Variants in NPFFR1 observed in about 807,000 individuals in gnomAD.
NPFFR1 encodes the protein neuropeptide FF receptor 1, also known as G-protein coupled receptor 147.
A neutral mutation model predicts 12.7 loss-of-function variants in NPFFR1; 17 were observed. The observed-to-expected ratio is 1.34, with a 90% CI of 0.92 to 2.01. NPFFR1 has a LOEUF of 2.01. Ranked by LOEUF, NPFFR1 falls within the 30% of genes most tolerant of loss-of-function variation. The pLI, the probability that NPFFR1 is intolerant of heterozygous loss-of-function variation, is 0.00. For synonymous variants in NPFFR1, 296 were observed against 264.5 expected (o/e 1.12, Z -1.16); for missense variants, 604 against 606.5 (o/e 1.00, Z 0.04).
chr10:70,262,312 T>C (rs973913202), intron 2 of NPFFR1, among the ~76,000 whole-genome samples: 15 of 152,178 alleles, frequency 9.9e-5, no homozygotes, highest in Admixed American at 9.8e-4. Context: ...AAATGAATAA[T>C]ATTGTATTTA....
chr10:70,269,388 C>T (rs1198486473), intron 1 of NPFFR1, among the ~76,000 whole-genome samples: 2 of 152,146 alleles, frequency 1.3e-5, no homozygotes, highest in East Asian at 3.8e-4. Context: ...AACTCTTAAG[C>T]TCAAGCAATC....
At position 70,255,801 on chromosome 10, in the gene NPFFR1, C is replaced by T; in HGVS notation, c.449G>A (p.Arg150His). Residue 150 changes from arginine (R) to histidine (H), a missense_variant, in exon 4 of 4, where the codon CGC becomes CAC. Transcript: ENST00000277942. This position sits in a 1 kb window ranked among gnomAD's most constrained non-coding sequence, Gnocchi z 4.2. ...CGCCTTCCGCAGGGTCAGCTTCTCG[C>T]GGAAAGGGTGCACGATGCAGCGGAA... The part of the protein sequence containing the change: ...ERFRCIVHPF[R>H]EKLTLRKALV... The T allele has an allele frequency of 6.2e-7, 1 of 1,610,050 alleles. No homozygotes were observed. Among genetic ancestry groups the T allele is most frequent in the Non-Finnish European group, 8.5e-7 (1 of 1,178,366 alleles).
intron 1 of NPFFR1, among the ~76,000 whole-genome samples, chr10:70,282,071 A>G (rs1220704388): frequency 2.6e-5 from 4 of 152,132 alleles, no homozygotes; most frequent in Non-Finnish European, 4.4e-5. Context: ...CACTTCCTTC[A>G]TTCTCTGTAG....
chr10:70,269,965 C>G (rs756705453), intron 1 of NPFFR1, among the ~76,000 whole-genome samples: 3 of 152,188 alleles, frequency 2.0e-5, no homozygotes, highest in Non-Finnish European at 4.4e-5. Context: ...GGCCTTTGCT[C>G]GTCCCTTCCT....
chr10:70,275,022 C>T (rs1414521315), intron 1 of NPFFR1, among the ~76,000 whole-genome samples: 2 of 152,192 alleles, frequency 1.3e-5, no homozygotes, highest in African/African-American at 4.8e-5. Flanking sequence ...CCCTCCATCC[C>T]AGGCACCCAC....
intron 1 of NPFFR1, among the ~76,000 whole-genome samples, chr10:70,270,362 T>C (rs1840733560): frequency 1.3e-5 from 2 of 152,134 alleles, no homozygotes; most frequent in Admixed American, 1.3e-4. Context: ...GTTGGGAGAC[T>C]TGCTTACCCC....
At chr10:70,274,245 C>T (rs146673308) in intron 1 of NPFFR1, among the ~76,000 whole-genome samples, 1,598 of 151,662 alleles carry the variant, frequency 0.011, 24 homozygotes, top group African/African-American at 0.033. Context: ...GTCAGGAGTT[C>T]GAGACCAGCC....
At chr10:70,276,591 T>TC (rs1254204322) in intron 1 of NPFFR1, among the ~76,000 whole-genome samples, 1 of 147,802 alleles carries the variant, frequency 6.8e-6, no homozygotes, top group East Asian at 2.0e-4. Context: ...TATCTTTTTT[T>TC]TTTTTTTTTT....
At chr10:70,277,967 G>T (rs772423752) in intron 1 of NPFFR1, 2 of 519,836 alleles carry the variant, frequency 3.8e-6, no homozygotes, top group Non-Finnish European at 7.7e-6. Context: ...AACCCTCCAG[G>T]CCATTGTTTT....
intron 1 of NPFFR1, among the ~76,000 whole-genome samples, chr10:70,273,961 C>A (rs531958968): frequency 6.6e-6 from 1 of 152,110 alleles, no homozygotes; most frequent in African/African-American, 2.4e-5. Context: ...CACCATAGAC[C>A]CCCAAGTTTC....
At chr10:70,260,010 G>A (rs1840616380) in intron 3 of NPFFR1, among the ~76,000 whole-genome samples, 2 of 152,238 alleles carry the variant, frequency 1.3e-5, no homozygotes, top group Non-Finnish European at 2.9e-5. Flanking sequence ...CTGTGGGGGA[G>A]GAGCACTCAT....
In NPFFR1 at chr10:70,260,591, T is replaced by C. The variant is rs181567467; in HGVS notation, c.422+49A>G. ...CATTAGAGGCAGTGGCTCCTCTTAATGCCAGGCCCTAGTTGGCTCAGGCAT... is the reference window on the plus strand; with the variant it reads ...CATTAGAGGCAGTGGCTCCTCTTAACGCCAGGCCCTAGTTGGCTCAGGCAT... On this transcript the variant is annotated intron_variant, in intron 3 of 3. Transcript: ENST00000277942. 2.7e-3 allele frequency: 4,031 copies of C among 1,503,384 alleles called. 119 individuals carry two copies. The highest frequency in any genetic ancestry group is 8.7e-3 in the African/African-American group (634 of 72,538). The allele number at this position is 1,503,384 out of a possible 1,614,324, so 93.1% of individuals were successfully genotyped here.
Position 70,254,124 on chromosome 10 carries a change from C to A in NPFFR1, c.*833G>T, listed in dbSNP as rs41348750. On this transcript the variant is annotated 3_prime_UTR_variant, in exon 4 of 4. Transcript: ENST00000277942. The stretch of plus-strand genomic sequence containing the variant: ...TCCCCTTCCTCGTTGTCTATGAGTA[C>A]GTAAAAGGACACCTCCTGTGGCCCT... The A allele has an allele frequency of 6.6e-6, 1 of 152,118 alleles. No homozygotes were observed. The allele number at this position is 152,118 out of a possible 1,614,324, so 9.4% of individuals were successfully genotyped here.
intron 1 of NPFFR1, among the ~76,000 whole-genome samples, chr10:70,283,456 C>A (rs367725453): frequency 1.1e-3 from 168 of 152,050 alleles, no homozygotes; most frequent in African/African-American, 3.9e-3. Flanking sequence ...GTCTCACATA[C>A]ACACGCACAC....
chr10:70,279,176 G>A (rs942818917), intron 1 of NPFFR1, among the ~76,000 whole-genome samples: 10 of 152,154 alleles, frequency 6.6e-5, no homozygotes, highest in South Asian at 2.1e-4. Flanking sequence ...ATGTGTGACC[G>A]AGTCTCGCTC....
intron 1 of NPFFR1, among the ~76,000 whole-genome samples, chr10:70,271,038 T>G (rs1380680938): frequency 6.6e-6 from 1 of 152,198 alleles, no homozygotes; most frequent in Non-Finnish European, 1.5e-5. Flanking sequence ...GGGGCCTAGC[T>G]ATCTCTGTTT....
chr10:70,266,302 A>C lies in NPFFR1; in HGVS notation c.97T>G (p.Ser33Ala). The C allele has an allele frequency of 1.9e-6, 3 of 1,613,810 alleles. No individual in the cohort carries two copies. In the African/African-American group the frequency reaches 4.0e-5, roughly 22 times the overall value. The change falls in exon 2 of 4, where the codon TCC (serine) becomes GCC (alanine). Residue 33 changes from serine (S) to alanine (A), a missense_variant. By Grantham distance (99) the Ser-to-Ala change is moderately conservative. Transcript: ENST00000277942. Reference sequence around the variant, plus strand: ...GGGGAGGTGTGCTGATAGTAGGAGGAGAAGGTGAGGTTTGTAGCCGGGGTG... The same window carrying C: ...GGGGAGGTGTGCTGATAGTAGGAGGCGAAGGTGAGGTTTGTAGCCGGGGTG... ...EATPATNLTF[S>A]SYYQHTSPVA...
intron 1 of NPFFR1, among the ~76,000 whole-genome samples, chr10:70,272,079 C>T (rs1211013834): frequency 1.3e-5 from 2 of 148,444 alleles, no homozygotes; most frequent in South Asian, 2.1e-4. Context: ...ATCGTGCCAC[C>T]GCATGCCAGC....
Position 70,254,604 on chromosome 10 carries a change from A to G in NPFFR1, c.*353T>C, listed in dbSNP as rs930248773. On this transcript the variant is annotated 3_prime_UTR_variant, in exon 4 of 4. Coordinates refer to ENST00000277942, the MANE Select transcript of NPFFR1 (RefSeq NM_022146.5). ...AGGTATTGGAGTCAGATAGCTTCAC[A>G]TGCCATTTCCACCTGAGAAACTTGG... is the stretch of plus-strand genomic sequence containing the variant. The G allele has an allele frequency of 4.1e-6, 1 of 241,596 alleles. No homozygotes were observed. Among genetic ancestry groups the G allele is most frequent in the African/African-American group, 2.2e-5 (1 of 44,828 alleles). The allele number at this position is 241,596 out of a possible 1,614,324, so 15.0% of individuals were successfully genotyped here.
Sources: allele counts gnomAD v4.1 joint callset (sites outside exome capture counted in the v4.1 genomes callset), GRCh38; gene constraint gnomAD v4.1.1; non-coding constraint Gnocchi (gnomAD v3.1); transcripts MANE v1.5; gene names NCBI Gene and HGNC (gene_info 2026-07-23, HGNC 2026-07-21).